GALNT13: variants seen among roughly 807,000 people sequenced by gnomAD.
GALNT13 encodes UDP-GalNAc:polypeptide N-acetylgalactosaminyltransferase 13.
In GALNT13, 28 loss-of-function variants were observed where a neutral mutation model predicts 64.2. The ratio of observed to expected loss-of-function variants is 0.44; its 90% confidence interval spans 0.32 to 0.60. The LOEUF is 0.60. GALNT13 is among the 20% of genes least tolerant of loss of function. The probability of loss-of-function intolerance (pLI) is 0.05; values close to 1 mark genes in which losing one functional copy is unlikely to be tolerated. For synonymous variants in GALNT13, 214 were observed against 224.6 expected, an observed-to-expected ratio of 0.95 and a Z score of 0.42; for missense variants, 577 against 669.8, an observed-to-expected ratio of 0.86 and a Z score of 1.53.
the GALNT13 span, among the ~76,000 whole-genome samples, chr2:153,294,860 G>A: frequency 2.6e-5 from 4 of 151,934 alleles, no homozygotes; most frequent in Admixed American, 2.6e-4. Flanking sequence ...AGTTGGAGAG[G>A]AAAAAGAAAA....
At chr2:153,691,165 A>G in the GALNT13 span, among the ~76,000 whole-genome samples, 1 of 152,174 alleles carries the variant, frequency 6.6e-6, no homozygotes, top group African/African-American at 2.4e-5. Flanking sequence ...ACTATGCCCA[A>G]TTTTATGAAT....
the GALNT13 span, among the ~76,000 whole-genome samples, chr2:153,653,316 C>G: frequency 6.6e-6 from 1 of 152,038 alleles, no homozygotes; most frequent in African/African-American, 2.4e-5. Context: ...AGAGAATTGC[C>G]CTTCAGAGAG....
At chr2:154,259,384 A>G (rs934607061) in intron 8 of GALNT13, among the ~76,000 whole-genome samples, 6 of 152,226 alleles carry the variant, frequency 3.9e-5, no homozygotes, top group Non-Finnish European at 8.8e-5. Flanking sequence ...AAAATACATT[A>G]GGACTTTCAA....
the GALNT13 span, among the ~76,000 whole-genome samples, chr2:153,099,225 C>T: frequency 2.6e-5 from 4 of 152,160 alleles, no homozygotes; most frequent in South Asian, 4.2e-4. Context: ...TGCAAGTGAC[C>T]GACTTGAAAT....
At chr2:153,995,972 T>C (rs1695495741) in intron 3 of GALNT13, among the ~76,000 whole-genome samples, 1 of 152,200 alleles carries the variant, frequency 6.6e-6, no homozygotes, top group Admixed American at 6.5e-5. Flanking sequence ...TTTTATCCTC[T>C]AGATTTATCT....
upstream of GALNT13, among the ~76,000 whole-genome samples, chr2:153,870,418 C>CTTT (rs1685847168): frequency 6.6e-6 from 1 of 151,980 alleles, no homozygotes; most frequent in Non-Finnish European, 1.5e-5. Flanking sequence ...GAACCCCAAT[C>CTTT]TTTTACCTGG....
chr2:154,394,000 C>T (rs1377671252), intron 9 of GALNT13, among the ~76,000 whole-genome samples: 18 of 130,498 alleles, frequency 1.4e-4, no homozygotes, highest in South Asian at 1.3e-3. Flanking sequence ...ATGGCGTGAA[C>T]CCGGGAGGCG....
the GALNT13 span, among the ~76,000 whole-genome samples, chr2:153,382,847 AGTC>A: frequency 6.6e-6 from 1 of 152,102 alleles, no homozygotes; most frequent in African/African-American, 2.4e-5. Flanking sequence ...CAAATTGAAA[AGTC>A]AATCAATGGT....
intron 8 of GALNT13, among the ~76,000 whole-genome samples, chr2:154,285,637 A>G (rs1244419671): frequency 1.3e-5 from 2 of 152,100 alleles, no homozygotes; most frequent in Admixed American, 1.3e-4. Flanking sequence ...GTGTATTTTG[A>G]AATCAGGAAA....
the GALNT13 span, among the ~76,000 whole-genome samples, chr2:153,210,953 A>G: frequency 2.6e-5 from 4 of 152,168 alleles, no homozygotes; most frequent in Non-Finnish European, 1.5e-5. Flanking sequence ...CATAACCATC[A>G]TATTTTGAAC....
In GALNT13 at chr2:153,924,878, T is replaced by TG. The variant is rs371927110; in HGVS notation, c.-104-19515dup. Among the ~76,000 whole-genome samples, 420 of 152,330 alleles carry TG rather than the reference T, an allele frequency of 2.8e-3. 1 individual carries two copies. Among genetic ancestry groups the TG allele is most frequent in the African/African-American group, 9.9e-3 (410 of 41,580 alleles). On this transcript the variant is annotated intron_variant, in intron 2 of 12. Coordinates refer to ENST00000392825, the MANE Select transcript of GALNT13 (RefSeq NM_052917.4). ...TTTTCTTTTGAAAAGTGTCTGCTCA[T>TG]GTCCTTTGTGCACTTTTTGATGCCA...
chr2:154,229,681 C>T (rs931709630), intron 4 of GALNT13, among the ~76,000 whole-genome samples: 3 of 151,982 alleles, frequency 2.0e-5, no homozygotes, highest in African/African-American at 4.8e-5. Flanking sequence ...GGGTAATATA[C>T]GTGAGTTCTG....
the GALNT13 span, among the ~76,000 whole-genome samples, chr2:153,824,476 C>T: frequency 3.0e-4 from 45 of 152,272 alleles, no homozygotes; most frequent in East Asian, 7.3e-3. Context: ...AAGGAATCCA[C>T]ATTTGTTCAG....
At chr2:154,259,655 A>T (rs934572673) in intron 8 of GALNT13, among the ~76,000 whole-genome samples, 10 of 152,216 alleles carry the variant, frequency 6.6e-5, no homozygotes, top group African/African-American at 2.4e-4. Context: ...ATGGCCTTCC[A>T]TGTAAATAAA....
the GALNT13 span, among the ~76,000 whole-genome samples, chr2:153,436,536 T>G: frequency 6.6e-6 from 1 of 152,226 alleles, no homozygotes; most frequent in Non-Finnish European, 1.5e-5. Flanking sequence ...GAGATTCACC[T>G]TCTTCCTGGT....
intron 9 of GALNT13, among the ~76,000 whole-genome samples, chr2:154,382,640 G>A (rs549589226): frequency 7.9e-5 from 12 of 151,980 alleles, no homozygotes; most frequent in African/African-American, 2.2e-4. Flanking sequence ...AGTGTCCTGC[G>A]GGTAACTAAT....
At chr2:154,263,843 T>A (rs1690834606) in intron 8 of GALNT13, among the ~76,000 whole-genome samples, 1 of 152,124 alleles carries the variant, frequency 6.6e-6, no homozygotes, top group African/African-American at 2.4e-5. Flanking sequence ...GTCATTCACC[T>A]GAATAAATTA....
At chr2:153,181,414 T>C in the GALNT13 span, among the ~76,000 whole-genome samples, 2 of 151,258 alleles carry the variant, frequency 1.3e-5, no homozygotes, top group African/African-American at 4.8e-5. Flanking sequence ...AAGGCTCGGC[T>C]TGTGGCCTAA....
intron 9 of GALNT13, among the ~76,000 whole-genome samples, chr2:154,363,371 G>A (rs1157869459): frequency 1.3e-5 from 2 of 151,996 alleles, no homozygotes; most frequent in Non-Finnish European, 2.9e-5. Flanking sequence ...TTTGTGGAGC[G>A]GGGGGAAGCT....
Sources: allele counts gnomAD v4.1 joint callset (sites outside exome capture counted in the v4.1 genomes callset), GRCh38; gene constraint gnomAD v4.1.1; transcripts MANE v1.5; gene names NCBI Gene and HGNC (gene_info 2026-07-23, HGNC 2026-07-21).